FBXL17: variants seen among roughly 807,000 people sequenced by gnomAD.
The protein encoded by FBXL17 is F-box and leucine rich repeat protein 17, also known as F-box/LRR-repeat protein 17.
Under a neutral mutation model 66.2 loss-of-function variants are expected in FBXL17, and 22 were observed. The ratio of observed to expected loss-of-function variants is 0.33; its 90% CI spans 0.24 to 0.47. The LOEUF is 0.47. FBXL17 is among the 20% of genes least tolerant of loss of function. The probability of loss-of-function intolerance (pLI) is 1.00; values close to 1 mark genes in which losing one functional copy is unlikely to be tolerated. For synonymous variants in FBXL17, 474 were observed against 400.5 expected (o/e 1.18, Z -2.19); for missense variants, 878 against 948.2 (o/e 0.93, Z 0.97).
intron 7 of FBXL17, among the ~76,000 whole-genome samples, chr5:107,930,605 C>T (rs928733794): frequency 3.9e-5 from 6 of 152,206 alleles, no homozygotes; most frequent in African/African-American, 1.4e-4. Context: ...TACGTGGCAG[C>T]CCCAGTGCCC....
chr5:108,121,621 G>T (rs1750504066), intron 6 of FBXL17, among the ~76,000 whole-genome samples: 1 of 151,868 alleles, frequency 6.6e-6, no homozygotes, highest in Non-Finnish European at 1.5e-5. Context: ...CAGTGGCACG[G>T]TCTCGGCTCA....
At chr5:108,199,189 C>T (rs1376944499) in intron 5 of FBXL17, among the ~76,000 whole-genome samples, 2 of 152,096 alleles carry the variant, frequency 1.3e-5, no homozygotes, top group Non-Finnish European at 2.9e-5. Context: ...CTTATAACTT[C>T]TCACACCAAT....
chr5:108,095,829 G>T (rs1025527018), intron 6 of FBXL17, among the ~76,000 whole-genome samples: 24 of 152,114 alleles, frequency 1.6e-4, no homozygotes, highest in Admixed American at 1.5e-3. Context: ...GAAATTTTAT[G>T]AAGAGAACTG....
chr5:108,188,586 G>A (rs1561454708), intron 5 of FBXL17, among the ~76,000 whole-genome samples: 1 of 152,266 alleles, frequency 6.6e-6, no homozygotes, highest in East Asian at 1.9e-4. Context: ...AACATAACTG[G>A]TACTTGGCAA....
At position 107,949,295 on chromosome 5, in the gene FBXL17, C is replaced by T. The variant is rs564411697; in HGVS notation, c.1823-68116G>A. Among the ~76,000 whole-genome samples, 316 of 151,972 alleles carry T rather than the reference C, an allele frequency of 2.1e-3. 2 individuals are homozygous for T. Among genetic ancestry groups the T allele is most frequent in the African/African-American group, 7.4e-3 (307 of 41,426 alleles). On this transcript the variant is annotated intron_variant, in intron 7 of 8. Transcript: ENST00000542267. ...ATAATATTTGGTTTTATTCTAGGTA[C>T]CATATCTTAACAGGGACATTAATGA... is the stretch of plus-strand genomic sequence containing the variant.
intron 4 of FBXL17, among the ~76,000 whole-genome samples, chr5:108,335,931 T>C (rs1760360938): frequency 1.3e-5 from 2 of 152,016 alleles, no homozygotes; most frequent in South Asian, 4.1e-4. Context: ...AAAAACACAA[T>C]TTAATCCAAG....
At position 108,007,799 on chromosome 5, in the gene FBXL17, T is replaced by C. The variant is rs144354674; in HGVS notation, c.1822+13126A>G. Among the ~76,000 whole-genome samples, 715 of 152,250 alleles carry C rather than the reference T, an allele frequency of 4.7e-3. 6 individuals are homozygous for C. The highest frequency in any genetic ancestry group is 0.014 in the African/African-American group (593 of 41,548). On this transcript the variant is annotated intron_variant, in intron 7 of 8. Transcript: ENST00000542267. Reference sequence around the variant, plus strand: ...CTTCATGCAAAAGACAGCATAACGATAGAAAGGCTGTACCTTTCCACATAA... The same window carrying C: ...CTTCATGCAAAAGACAGCATAACGACAGAAAGGCTGTACCTTTCCACATAA...
intron 7 of FBXL17, among the ~76,000 whole-genome samples, chr5:108,015,747 T>C (rs933069210): frequency 1.3e-5 from 2 of 152,158 alleles, no homozygotes; most frequent in Non-Finnish European, 2.9e-5. Flanking sequence ...TAATTTGGGT[T>C]AACTAACAGC....
At chr5:108,146,461 G>GC (rs917313982) in intron 6 of FBXL17, among the ~76,000 whole-genome samples, 2 of 152,144 alleles carry the variant, frequency 1.3e-5, no homozygotes, top group African/African-American at 4.8e-5. Context: ...TTCTTGGAAT[G>GC]CCATATCCTC....
intron 4 of FBXL17, among the ~76,000 whole-genome samples, chr5:108,303,393 CACATA>C (rs1758684584): frequency 6.7e-6 from 1 of 149,208 alleles, no homozygotes; most frequent in Non-Finnish European, 1.5e-5. Context: ...CACACACACA[CACATA>C]CCCACACACA....
intron 8 of FBXL17, chr5:107,880,831 A>G (rs1197911652): frequency 8.8e-6 from 12 of 1,364,916 alleles, no homozygotes; most frequent in Non-Finnish European, 1.1e-5. Context: ...AAAATTCATT[A>G]TTAAGTGGGG....
At chr5:107,937,653 AC>A (rs1366613217) in intron 7 of FBXL17, among the ~76,000 whole-genome samples, 4 of 152,132 alleles carry the variant, frequency 2.6e-5, no homozygotes, top group Admixed American at 6.6e-5. Flanking sequence ...TAGAAACTGT[AC>A]CTTTATTTCT....
chr5:107,894,061 T>C (rs941815065), intron 7 of FBXL17, among the ~76,000 whole-genome samples: 1 of 152,214 alleles, frequency 6.6e-6, no homozygotes, highest in Non-Finnish European at 1.5e-5. Flanking sequence ...TAGGAGTTGA[T>C]ATAATTTGCC....
intron 7 of FBXL17, among the ~76,000 whole-genome samples, chr5:107,899,686 T>G (rs1377775711): frequency 6.6e-6 from 1 of 152,178 alleles, no homozygotes; most frequent in East Asian, 1.9e-4. Context: ...GTACTTAAAT[T>G]TAGGTTATTC....
chr5:108,373,763 A>G (rs999758373), intron 1 of FBXL17, among the ~76,000 whole-genome samples: 1 of 151,930 alleles, frequency 6.6e-6, no homozygotes, highest in Non-Finnish European at 1.5e-5. Context: ...AAAAAAAATG[A>G]CAAAATTAGC....
intron 4 of FBXL17, among the ~76,000 whole-genome samples, chr5:108,274,986 A>C (rs545910919): frequency 8.4e-4 from 128 of 152,324 alleles, no homozygotes; most frequent in African/African-American, 3.0e-3. Context: ...GGTCCACAAA[A>C]AGGAAGTGAC....
intron 7 of FBXL17, among the ~76,000 whole-genome samples, chr5:107,890,820 A>C (rs939906826): frequency 1.2e-4 from 19 of 152,170 alleles, no homozygotes; most frequent in African/African-American, 4.6e-4. Context: ...AAGCAAAGGA[A>C]AACAGAGGAA....
At chr5:108,273,401 T>C (rs1319016377) in intron 4 of FBXL17, among the ~76,000 whole-genome samples, 1 of 151,618 alleles carries the variant, frequency 6.6e-6, no homozygotes, top group Admixed American at 6.6e-5. Context: ...CTGGCCTCAA[T>C]GCCACTGAGG....
intron 7 of FBXL17, among the ~76,000 whole-genome samples, chr5:107,979,292 T>C (rs542059258): frequency 1.3e-5 from 2 of 152,214 alleles, no homozygotes; most frequent in Non-Finnish European, 2.9e-5. Flanking sequence ...AGTTTAATCA[T>C]CTTTCAGATA....
Sources: allele counts gnomAD v4.1 joint callset (sites outside exome capture counted in the v4.1 genomes callset), GRCh38; gene constraint gnomAD v4.1.1; transcripts MANE v1.5; gene names NCBI Gene and HGNC (gene_info 2026-07-23, HGNC 2026-07-21).